Variants in TMC1 observed in about 807,000 individuals in gnomAD.
The protein encoded by TMC1 is transmembrane channel like 1.
A neutral mutation model predicts 105.8 loss-of-function variants in TMC1; 84 were observed. The ratio of observed to expected loss-of-function variants is 0.79; its 90% CI spans 0.67 to 0.95. The LOEUF is 0.95. TMC1 is among the 40% of genes least tolerant of loss of function. The pLI, the probability that TMC1 is intolerant of heterozygous loss-of-function variation, is 0.00. For synonymous variants in TMC1, 315 were observed against 311.5 expected (o/e 1.01, Z -0.12); for missense variants, 817 against 914.1 (o/e 0.89, Z 1.37).
intron 17 of TMC1, among the ~76,000 whole-genome samples, chr9:72,794,001 C>T (rs1387160338): frequency 4.6e-5 from 7 of 152,116 alleles, no homozygotes; most frequent in Non-Finnish European, 1.0e-4. Context: ...AGACCCTAAG[C>T]GCCTCATCCA....
intron 5 of TMC1, among the ~76,000 whole-genome samples, chr9:72,659,958 T>C (rs1049551293): frequency 3.9e-5 from 6 of 152,170 alleles, no homozygotes; most frequent in African/African-American, 1.4e-4. Flanking sequence ...CTTTCTAACT[T>C]TGAGAATGAC....
chr9:72,830,226 C>G (rs1243721458), intron 21 of TMC1, among the ~76,000 whole-genome samples: 1 of 152,122 alleles, frequency 6.6e-6, no homozygotes, highest in African/African-American at 2.4e-5. Context: ...GCCTTGGGCC[C>G]CAACTTTCCA....
intron 2 of TMC1, among the ~76,000 whole-genome samples, chr9:72,607,027 A>AGAG (rs1554715151): frequency 5.3e-5 from 8 of 151,420 alleles, no homozygotes; most frequent in African/African-American, 1.9e-4. Flanking sequence ...AGAGAGAGAG[A>AGAG]AAGAGAACTT....
chr9:72,566,769 C>G (rs930465628), intron 1 of TMC1, among the ~76,000 whole-genome samples: 1 of 152,188 alleles, frequency 6.6e-6, no homozygotes, highest in Non-Finnish European at 1.5e-5. Context: ...CAGATTGATT[C>G]TATCCACTTG....
intron 3 of TMC1, among the ~76,000 whole-genome samples, chr9:72,618,258 A>G (rs2132125216): frequency 6.6e-6 from 1 of 152,078 alleles, no homozygotes; most frequent in Non-Finnish European, 1.5e-5. Flanking sequence ...CCTGACCTTA[A>G]GTGATCCACC....
At chr9:72,784,401 CTA>C (rs1166120012) in intron 13 of TMC1, among the ~76,000 whole-genome samples, 2 of 144,410 alleles carry the variant, frequency 1.4e-5, no homozygotes, top group Non-Finnish European at 3.0e-5. Flanking sequence ...GTCAAAATGA[CTA>C]TTGTTAAAAA....
intron 4 of TMC1, 107 bp downstream of exon 4, chr9:72,628,170 C>T (rs1825383820): frequency 4.7e-6 from 2 of 425,490 alleles, no homozygotes; most frequent in South Asian, 1.7e-5. Context: ...TGGGATTGTA[C>T]AGAATGAGGC....
At chr9:72,654,050 G>A (rs1056113093) in intron 5 of TMC1, among the ~76,000 whole-genome samples, 1 of 152,154 alleles carries the variant, frequency 6.6e-6, no homozygotes, top group African/African-American at 2.4e-5. Context: ...GGACATTCCA[G>A]TTGTTTTATA....
intron 5 of TMC1, among the ~76,000 whole-genome samples, chr9:72,679,377 C>A (rs970517070): frequency 6.6e-6 from 1 of 152,020 alleles, no homozygotes; most frequent in Admixed American, 6.6e-5. Context: ...TGCTTTCTTA[C>A]CAACCCATCC....
At chr9:72,712,094 T>C (rs1016449354) in intron 8 of TMC1, among the ~76,000 whole-genome samples, 4 of 152,220 alleles carry the variant, frequency 2.6e-5, no homozygotes, top group Admixed American at 6.5e-5. Context: ...TATGGCGTTA[T>C]TTCTGAGGCC....
At chr9:72,532,499 C>A (rs1408488637) in intron 1 of TMC1, among the ~76,000 whole-genome samples, 1 of 122,406 alleles carries the variant, frequency 8.2e-6, no homozygotes, top group East Asian at 2.6e-4. Flanking sequence ...CGAGATCGTG[C>A]CACTGTACTC....
intron 8 of TMC1, among the ~76,000 whole-genome samples, chr9:72,722,890 A>G (rs1487424695): frequency 6.6e-6 from 1 of 152,188 alleles, no homozygotes; most frequent in Non-Finnish European, 1.5e-5. Context: ...AACTCACAAA[A>G]TTCTTGAAAA....
intron 8 of TMC1, among the ~76,000 whole-genome samples, chr9:72,709,399 C>T (rs978954534): frequency 1.3e-5 from 2 of 152,064 alleles, no homozygotes; most frequent in Non-Finnish European, 2.9e-5. Flanking sequence ...GGAGTACTCC[C>T]TCTTTCTCTT....
intron 8 of TMC1, among the ~76,000 whole-genome samples, chr9:72,705,534 G>A (rs1455233686): frequency 1.3e-5 from 2 of 152,130 alleles, no homozygotes; most frequent in Non-Finnish European, 2.9e-5. Flanking sequence ...CCACAATGCC[G>A]GCTTCAAAAA....
At chr9:72,803,747 G>A (rs574722205) in intron 17 of TMC1, among the ~76,000 whole-genome samples, 1 of 152,318 alleles carries the variant, frequency 6.6e-6, no homozygotes, top group East Asian at 1.9e-4. Flanking sequence ...TGCTGGTGAG[G>A]CTGCAGAGAG....
intron 8 of TMC1, among the ~76,000 whole-genome samples, chr9:72,702,621 G>A (rs1359346834): frequency 6.6e-6 from 1 of 151,944 alleles, no homozygotes; most frequent in Non-Finnish European, 1.5e-5. Flanking sequence ...TTGGGACCTG[G>A]CAAGTCTAGG....
Position 72,627,928 on chromosome 9 carries a change from G to T in TMC1, c.-188G>T. The T allele has an allele frequency of 2.5e-6, 1 of 406,200 alleles. No individual in the cohort carries two copies. The highest frequency in any genetic ancestry group is 1.8e-5 in the South Asian group (1 of 56,728). 25.2% of individuals were successfully genotyped at this position (406,200 alleles called of 1,614,324 possible). On this transcript the variant is annotated 5_prime_UTR_variant, in exon 4 of 24. It introduces an in-frame stop codon into an upstream open reading frame of the 5' UTR. Coordinates refer to ENST00000297784, the MANE Select transcript of TMC1 (RefSeq NM_138691.3). ...TTTTTTTTCATATTTTAGGATGCCA[G>T]AAGCCTCAAAAATGGAAAACCCCCT...
intron 2 of TMC1, among the ~76,000 whole-genome samples, chr9:72,601,672 A>C (rs1168169877): frequency 6.6e-6 from 1 of 151,972 alleles, no homozygotes; most frequent in African/African-American, 2.4e-5. Flanking sequence ...ACAAAACCAA[A>C]AAAACCAAAA....
intron 1 of TMC1, among the ~76,000 whole-genome samples, chr9:72,558,630 A>G (rs1228350664): frequency 6.6e-6 from 1 of 152,200 alleles, no homozygotes; most frequent in Middle Eastern, 3.2e-3. Context: ...AGACACCTTC[A>G]CTGATCTCTG....
Sources: allele counts gnomAD v4.1 joint callset (sites outside exome capture counted in the v4.1 genomes callset), GRCh38; gene constraint gnomAD v4.1.1; transcripts MANE v1.5; gene names NCBI Gene and HGNC (gene_info 2026-07-23, HGNC 2026-07-21).